The following EPM2A variants were observed in gnomAD, a reference collection of about 807,000 sequenced individuals.
The protein encoded by EPM2A is laforin.
Under a neutral mutation model 26.5 loss-of-function variants are expected in EPM2A, and 21 were observed. The observed-to-expected ratio is 0.79, with a 90% CI of 0.56 to 1.14. The LOEUF (loss-of-function observed/expected upper bound fraction) is 1.14. EPM2A is among the 50% of genes most tolerant of loss of function. The pLI, the probability that EPM2A is intolerant of heterozygous loss-of-function variation, is 0.00. For missense variants in EPM2A, 458 were observed against 440.8 expected, an observed-to-expected ratio of 1.04 and a Z score of -0.35; for synonymous variants, 217 against 177.6, an observed-to-expected ratio of 1.22 and a Z score of -1.76.
chr6:145,547,577 T>A (rs1202420979), intron 2 of EPM2A, among the ~76,000 whole-genome samples: 4 of 152,124 alleles, frequency 2.6e-5, no homozygotes, highest in Non-Finnish European at 2.9e-5. Context: ...ATGAACAGGA[T>A]CTGAAGCTCT....
At chr6:145,633,954 C>T (rs1776455343) in intron 3 of EPM2A, 1 of 152,194 alleles carries the variant, frequency 6.6e-6, no homozygotes, top group Non-Finnish European at 1.5e-5. Flanking sequence ...ATGCCTCAGC[C>T]TCTTCGTCTG....
chr6:145,659,895 AT>A (rs1778562481), intron 2 of EPM2A, among the ~76,000 whole-genome samples: 1 of 152,002 alleles, frequency 6.6e-6, no homozygotes, highest in African/African-American at 2.4e-5. Flanking sequence ...CCTTACTTCC[AT>A]TTTCTATACT....
chr6:145,635,737 A>G (rs1776619860), intron 2 of EPM2A: 2 of 457,800 alleles, frequency 4.4e-6, no homozygotes, highest in South Asian at 4.5e-5. Context: ...AAATCAAGCA[A>G]TATATTAAAA....
At chr6:145,723,166 T>C (rs1428215299) in intron 1 of EPM2A, among the ~76,000 whole-genome samples, 1 of 152,154 alleles carries the variant, frequency 6.6e-6, no homozygotes, top group Non-Finnish European at 1.5e-5. Flanking sequence ...CAAAAGGTAA[T>C]ATGAAATGAA....
At chr6:145,420,053 G>A (rs9497298) in intron 4 of EPM2A, among the ~76,000 whole-genome samples, 7,664 of 152,078 alleles carry the variant, frequency 0.05, 639 homozygotes, top group African/African-American at 0.17. Flanking sequence ...CAGCCAGTCA[G>A]CTTTGACAGG....
chr6:145,658,501 A>G (rs544937173), intron 2 of EPM2A, among the ~76,000 whole-genome samples: 1 of 152,166 alleles, frequency 6.6e-6, no homozygotes, highest in African/African-American at 2.4e-5. Flanking sequence ...TGCTTTTCCT[A>G]TTCTTTTCAT....
At chr6:145,618,530 T>A (rs1270007261) in intron 2 of EPM2A, among the ~76,000 whole-genome samples, 1 of 152,196 alleles carries the variant, frequency 6.6e-6, no homozygotes, top group Non-Finnish European at 1.5e-5. Flanking sequence ...GTCATCCTCA[T>A]GTTGTTCTCA....
chr6:145,592,682 G>A (rs1172144325), intron 2 of EPM2A, among the ~76,000 whole-genome samples: 1 of 152,094 alleles, frequency 6.6e-6, no homozygotes, highest in Non-Finnish European at 1.5e-5. Flanking sequence ...TCTAACTGGT[G>A]TGGGATGGTA....
intron 4 of EPM2A, among the ~76,000 whole-genome samples, chr6:145,406,017 AG>A (rs1270675877): frequency 3.7e-5 from 5 of 134,704 alleles, no homozygotes; most frequent in Non-Finnish European, 6.5e-5. Context: ...CACACACAAC[AG>A]ACAGACACAC....
chr6:145,438,842 G>A (rs543609850), intron 4 of EPM2A, among the ~76,000 whole-genome samples: 1 of 152,286 alleles, frequency 6.6e-6, no homozygotes, highest in African/African-American at 2.4e-5. Flanking sequence ...ATTTGTTATA[G>A]AGGTAAACTT....
chr6:145,537,848 C>A (rs1211329127), intron 2 of EPM2A, among the ~76,000 whole-genome samples: 2 of 151,382 alleles, frequency 1.3e-5, no homozygotes, highest in African/African-American at 4.9e-5. Context: ...TGAGAACATG[C>A]AGTGTTTGGT....
chr6:145,444,742 C>T (rs1779109550), intron 4 of EPM2A, among the ~76,000 whole-genome samples: 1 of 152,014 alleles, frequency 6.6e-6, no homozygotes, highest in Admixed American at 6.6e-5. Flanking sequence ...TATCTTATTT[C>T]TTTGCATGTC....
chr6:145,634,191 C>T (rs927957187), intron 3 of EPM2A, among the ~76,000 whole-genome samples: 1 of 152,158 alleles, frequency 6.6e-6, no homozygotes, highest in Admixed American at 6.5e-5. Context: ...CTGCCCCCTG[C>T]TGACAGCTGC....
intron 2 of EPM2A, among the ~76,000 whole-genome samples, chr6:145,644,084 C>A (rs548462073): frequency 6.6e-6 from 1 of 152,156 alleles, no homozygotes; most frequent in Non-Finnish European, 1.5e-5. Flanking sequence ...AATCTAAATA[C>A]TATTATCATA....
chr6:145,505,897 T>C (rs554395049), intron 2 of EPM2A, among the ~76,000 whole-genome samples: 1 of 152,362 alleles, frequency 6.6e-6, no homozygotes, highest in South Asian at 2.1e-4. Flanking sequence ...CATTTTAAAC[T>C]ATTTATCACT....
chr6:145,400,168 A>T (rs1778463503), intron 4 of EPM2A, among the ~76,000 whole-genome samples: 1 of 152,242 alleles, frequency 6.6e-6, no homozygotes, highest in Admixed American at 6.5e-5. Context: ...GAAAGTAGCC[A>T]GATCACCCAG....
intron 4 of EPM2A, among the ~76,000 whole-genome samples, chr6:145,416,841 C>T (rs760951341): frequency 4.6e-5 from 7 of 150,810 alleles, no homozygotes; most frequent in African/African-American, 9.8e-5. Flanking sequence ...TTTAGGGGGT[C>T]GTAGGAAATG....
chr6:145,459,607 C>A (rs953535813), intron 4 of EPM2A, among the ~76,000 whole-genome samples: 1 of 151,886 alleles, frequency 6.6e-6, no homozygotes, highest in Non-Finnish European at 1.5e-5. Context: ...TCCCTGGATC[C>A]TCCCCAAATA....
chr6:145,717,882 A>T lies in EPM2A; in HGVS notation c.301+17316T>A, dbSNP rs1178943436. ...TCCCATTCACAATTCCTTCAAAGAG[A>T]ATAAAATACCTAGGAATCCAACTTA... On this transcript the variant is annotated intron_variant, in intron 1 of 3. Coordinates refer to ENST00000367519, the MANE Select transcript of EPM2A (RefSeq NM_005670.4). 2.6e-5 allele frequency among the ~76,000 whole-genome samples: 4 copies of T among 151,786 alleles called. No homozygotes were observed. The Admixed American group carries it at 2.6e-4, about 10-fold the overall frequency.
Sources: allele counts gnomAD v4.1 joint callset (sites outside exome capture counted in the v4.1 genomes callset), GRCh38; gene constraint gnomAD v4.1.1; transcripts MANE v1.5; gene names NCBI Gene and HGNC (gene_info 2026-07-23, HGNC 2026-07-21).